SEC23IP: variants seen among roughly 807,000 people sequenced by gnomAD.
SEC23IP encodes the protein SEC23 interacting protein, also known as SEC23-interacting protein.
A neutral mutation model predicts 113.4 loss-of-function variants in SEC23IP; 70 were observed. The ratio of observed to expected loss-of-function variants is 0.62; its 90% confidence interval spans 0.51 to 0.75. The LOEUF (loss-of-function observed/expected upper bound fraction) is 0.75, where lower values mean the gene tolerates loss of function less well. SEC23IP is among the 30% of genes least tolerant of loss of function. SEC23IP has a pLI of 0.00. For synonymous variants in SEC23IP, 398 were observed against 421.0 expected (o/e 0.95, Z 0.67); for missense variants, 1,160 against 1,204.9 (o/e 0.96, Z 0.55).
chr10:119,921,970 T>C (rs554804940), intron 12 of SEC23IP, among the ~76,000 whole-genome samples: 370 of 72,274 alleles, frequency 5.1e-3, no homozygotes, highest in Non-Finnish European at 6.9e-3. Context: ...CTTAAGGAAT[T>C]GAGTCTTCTC....
In SEC23IP at chr10:119,933,778, G is replaced by A. The variant is rs553822039; in HGVS notation, c.*11G>A. On this transcript the variant is annotated 3_prime_UTR_variant, in exon 18 of 19. Coordinates refer to ENST00000369075, the MANE Select transcript of SEC23IP (RefSeq NM_007190.4). ...CAGCCCCAGCATTGATCAAACTTCA[G>A]TTTTACTGTGTGAGTTTATCCTTAT... 9 of 1,442,164 alleles carry A rather than the reference G, an allele frequency of 6.2e-6. No individual in the cohort carries two copies. Among genetic ancestry groups the A allele is most frequent in the African/African-American group, 5.6e-5 (4 of 71,680 alleles). 89.3% of individuals were successfully genotyped at this position (1,442,164 alleles called of 1,614,324 possible).
At chr10:119,899,800 T>C (rs1182755328) in intron 2 of SEC23IP, among the ~76,000 whole-genome samples, 2 of 152,234 alleles carry the variant, frequency 1.3e-5, no homozygotes, top group Non-Finnish European at 2.9e-5. Flanking sequence ...AAAAAGGTTT[T>C]TAGATAAAAG....
intron 9 of SEC23IP, 143 bp downstream of exon 9, chr10:119,918,187 G>C: frequency 3.9e-6 from 3 of 767,992 alleles, no homozygotes; most frequent in Non-Finnish European, 6.2e-6. Flanking sequence ...TCTGAGTTTA[G>C]ATTCTGCCTT....
rs1193152470 is a variant in SEC23IP at position 119,898,973 on chromosome 10, A to G, written c.696+14A>G. ...TCTTTGCCACCGGTATGGAGACATG[A>G]TTTTGTGTCCTACTTATTCACTCTG... is the stretch of plus-strand genomic sequence containing the variant. On this transcript the variant is annotated intron_variant, in intron 2 of 18. Transcript: ENST00000369075. 3.3e-6 allele frequency: 5 copies of G among 1,533,302 alleles called. No individual in the cohort carries two copies. In the Admixed American group the frequency reaches 9.8e-5, roughly 30 times the overall value. 95.0% of individuals were successfully genotyped at this position (1,533,302 alleles called of 1,614,324 possible). A position where few individuals can be genotyped will look rare whatever the true frequency, so the allele number is the denominator to read the frequency against.
In SEC23IP at chr10:119,902,872, C is replaced by T; in HGVS notation, c.770C>T (p.Pro257Leu). 1 of 1,614,198 alleles carries T rather than the reference C, an allele frequency of 6.2e-7. No homozygotes were observed. The highest frequency in any genetic ancestry group is 8.5e-7 in the Non-Finnish European group (1 of 1,180,030). The change falls in exon 3 of 19, where the codon CCA becomes CTA. Residue 257 changes from proline (P) to leucine (L), a missense_variant. Coordinates refer to ENST00000369075, the MANE Select transcript of SEC23IP (RefSeq NM_007190.4). Reference sequence around the variant, plus strand: ...CCTGGGGCTCCCTCTGTTCAAGTGCCATCTCCTTTTCTACTTCAAAACCAA... The same window carrying T: ...CCTGGGGCTCCCTCTGTTCAAGTGCTATCTCCTTTTCTACTTCAAAACCAA... ...ARPGAPSVQV[P>L]SPFLLQNQYE...
chr10:119,921,046 T>A, intron 12 of SEC23IP, 62 bp downstream of exon 12: 3 of 1,236,294 alleles, frequency 2.4e-6, no homozygotes, highest in Non-Finnish European at 3.5e-6. Flanking sequence ...TCGTTTATAT[T>A]ATAGAAAATT....
Position 119,920,928 on chromosome 10 carries a change from C to G in SEC23IP, c.2065C>G (p.Pro689Ala), listed in dbSNP as rs1225263598. The change falls in exon 12 of 19, where the codon CCC becomes GCC. Residue 689 changes from proline (P) to alanine (A), a missense_variant. Coordinates refer to ENST00000369075, the MANE Select transcript of SEC23IP (RefSeq NM_007190.4). ...TGATGACCTGAAGGAAATGGGGATA[C>G]CCCTTGGACCCAGAAAGAAGATAGC... ...TVDDLKEMGIPLGPRKKIANF... is the reference protein window; with the variant it reads ...TVDDLKEMGIALGPRKKIANF... The G allele has an allele frequency of 6.2e-7, 1 of 1,613,668 alleles. No individual in the cohort carries two copies. The highest frequency in any genetic ancestry group is 1.1e-5 in the South Asian group (1 of 91,056).
Position 119,933,112 on chromosome 10 carries a change from C to G in SEC23IP, c.2866C>G (p.Pro956Ala). The G allele has an allele frequency of 6.2e-7, 1 of 1,613,892 alleles. No individual in the cohort carries two copies. Among genetic ancestry groups the G allele is most frequent in the Non-Finnish European group, 8.5e-7 (1 of 1,179,814 alleles). The change falls in exon 17 of 19, where the codon CCA becomes GCA. Residue 956 changes from proline (P) to alanine (A), a missense_variant. By Grantham distance (27) the Pro-to-Ala change is conservative. Transcript: ENST00000369075. ...RRIDYVLQEK[P>A]IESFNEYLFA... ...AATTGACTACGTTCTCCAAGAAAAA[C>G]CAATAGAGAGTTTTAATGAATACCT...
At chr10:119,903,673 C>T (rs935129016) in intron 3 of SEC23IP, among the ~76,000 whole-genome samples, 3 of 152,056 alleles carry the variant, frequency 2.0e-5, no homozygotes, top group African/African-American at 4.8e-5. Context: ...AAAAATGAGC[C>T]TAGTTTTTTG....
intron 7 of SEC23IP, 46 bp downstream of exon 7, chr10:119,914,865 A>G: frequency 6.5e-7 from 1 of 1,534,564 alleles, no homozygotes; most frequent in Non-Finnish European, 9.0e-7. Context: ...CTGAGAACTA[A>G]TAGAAGAGCT....
rs146767311 is a variant in SEC23IP, at chr10:119,918,643, T to C, written c.1872+132T>C. ...GTTTGTTTGTTTTAACTGAGCCTCA[T>C]TGGTTGCTTGGGCTAGTCTTGAGTT... On this transcript the variant is annotated intron_variant, in intron 10 of 18. Coordinates refer to ENST00000369075, the MANE Select transcript of SEC23IP (RefSeq NM_007190.4). 157 of 633,238 alleles carry C rather than the reference T, an allele frequency of 2.5e-4. 2 individuals carry two copies. Among genetic ancestry groups the C allele is most frequent in the African/African-American group, 2.1e-3 (117 of 54,516 alleles). 39.2% of individuals were successfully genotyped at this position (633,238 alleles called of 1,614,324 possible).
chr10:119,929,275 C>T (rs1227316469), intron 13 of SEC23IP, among the ~76,000 whole-genome samples: 1 of 151,844 alleles, frequency 6.6e-6, no homozygotes, highest in Admixed American at 6.6e-5. Flanking sequence ...GCTCAGTCAC[C>T]CAGGCTGGAG....
At chr10:119,899,201 G>A (rs564209859) in intron 2 of SEC23IP, among the ~76,000 whole-genome samples, 19 of 152,292 alleles carry the variant, frequency 1.2e-4, no homozygotes, top group African/African-American at 3.9e-4. Context: ...AGTTAGCTAC[G>A]TGTCAGTATT....
At position 119,929,701 on chromosome 10, in the gene SEC23IP, A is replaced by T; in HGVS notation, c.2408A>T (p.Asp803Val). 1 of 1,601,440 alleles carries T rather than the reference A, an allele frequency of 6.2e-7. No homozygotes were observed. Among genetic ancestry groups the T allele is most frequent in the Non-Finnish European group, 8.6e-7 (1 of 1,168,416 alleles). Reference sequence around the variant, plus strand: ...ATGTTTCTCACTATTCGAGGAGTTGATAGGATAGATGAGAATTACAGCCTT... The same window carrying T: ...ATGTTTCTCACTATTCGAGGAGTTGTTAGGATAGATGAGAATTACAGCCTT... ...IAMFLTIRGV[D>V]RIDENYSLPT... Residue 803 changes from aspartate (D) to valine (V), a missense_variant, in exon 14 of 19, where the codon GAT becomes GTT. Transcript: ENST00000369075.
intron 2 of SEC23IP, among the ~76,000 whole-genome samples, chr10:119,899,308 C>T (rs989172210): frequency 5.3e-5 from 8 of 152,192 alleles, no homozygotes; most frequent in Non-Finnish European, 1.2e-4. Context: ...TCTCATCTTT[C>T]AATTACACTA....
At chr10:119,922,154 A>T (rs1589841219) in intron 12 of SEC23IP, among the ~76,000 whole-genome samples, 1 of 152,130 alleles carries the variant, frequency 6.6e-6, no homozygotes, top group South Asian at 2.1e-4. Context: ...GGCAGATGAG[A>T]GGTGGCAGTT....
rs1268849536 is a variant in SEC23IP, at chr10:119,942,268, C to G, written c.*1703C>G. 6.6e-6 allele frequency: 1 copy of G among 152,028 alleles called. No homozygotes were observed. Among genetic ancestry groups the G allele is most frequent in the Non-Finnish European group, 1.5e-5 (1 of 68,020 alleles). 9.4% of individuals were successfully genotyped at this position (152,028 alleles called of 1,614,324 possible). On this transcript the variant is annotated 3_prime_UTR_variant, in exon 19 of 19. Transcript: ENST00000369075. ...GCAGTCTTGCCCTTTCATTTTAATACTTGAGTACACAGAAAATAGAATTTT... is the reference window on the plus strand; with the variant it reads ...GCAGTCTTGCCCTTTCATTTTAATAGTTGAGTACACAGAAAATAGAATTTT...
At position 119,919,560 on chromosome 10, in the gene SEC23IP, C is replaced by T. The variant is rs775661089; in HGVS notation, c.1989C>T (p.Ser663=). The part of the protein sequence containing the change: ...LEALSLSEYF[S]TFEKEKIDME... Reference sequence around the variant, plus strand: ...CACTTAGCCTCTCTGAATATTTTAGCACTTTTGAAAAGGAAAAGATTGATA... The same window carrying T: ...CACTTAGCCTCTCTGAATATTTTAGTACTTTTGAAAAGGAAAAGATTGATA... Residue 663 remains serine, a synonymous_variant, in exon 11 of 19, where the codon AGC becomes AGT. Transcript: ENST00000369075. 4 of 1,613,084 alleles carry T rather than the reference C, an allele frequency of 2.5e-6. No homozygotes were observed. The highest frequency in any genetic ancestry group is 2.2e-5 in the South Asian group (2 of 90,912).
intron 15 of SEC23IP, 137 bp from the exon 16 acceptor site, chr10:119,931,996 G>T: frequency 1.8e-6 from 1 of 541,400 alleles, no homozygotes; most frequent in East Asian, 2.9e-5. Flanking sequence ...CTTGGCTGAG[G>T]CACTCCGTAT....
Sources: gnomAD v4.1 joint callset for allele counts (sites outside exome capture counted in the v4.1 genomes callset) on GRCh38, gnomAD v4.1.1 for gene constraint, MANE v1.5 for transcripts, NCBI Gene and HGNC (gene_info 2026-07-23, HGNC 2026-07-21) for gene names.